Variants in TIAM2 observed in about 807,000 individuals in gnomAD.
TIAM2 encodes the protein rho guanine nucleotide exchange factor TIAM2.
In TIAM2, 80 loss-of-function variants were observed where a neutral mutation model predicts 152.9. That is an observed-to-expected ratio of 0.52 (90% CI 0.44 to 0.63). The LOEUF (loss-of-function observed/expected upper bound fraction) is 0.63. Ranked by LOEUF, TIAM2 falls within the 30% of genes least tolerant of loss-of-function variation. The pLI, the probability that TIAM2 is intolerant of heterozygous loss-of-function variation, is 0.00. For missense variants in TIAM2, 1,965 were observed against 2,120.1 expected (o/e 0.93, Z 1.44); for synonymous variants, 804 against 838.0 (o/e 0.96, Z 0.70).
chr6:155,185,474 A>G (rs1228478666), intron 14 of TIAM2, among the ~76,000 whole-genome samples: 2 of 151,326 alleles, frequency 1.3e-5, no homozygotes, highest in Admixed American at 6.6e-5. Context: ...AGGATCAAGC[A>G]GGTGAGTTAA....
intron 24 of TIAM2, chr6:155,253,375 AATT>A: frequency 3.5e-6 from 1 of 284,788 alleles, no homozygotes; most frequent in African/African-American, 2.2e-5. Context: ...TGTTTTTACA[AATT>A]TAGAATATAG....
At chr6:155,053,746 C>T (rs934335735) in intron 1 of TIAM2, among the ~76,000 whole-genome samples, 9 of 152,154 alleles carry the variant, frequency 5.9e-5, no homozygotes, top group African/African-American at 2.2e-4. Context: ...ACTGGGATTA[C>T]AGGAATGAGC....
rs141491120 is a variant in TIAM2, at chr6:155,173,199, G to GTGTGTCTGTC, written c.2362-3614_2362-3613insGTCTGTCTGT. Among the ~76,000 whole-genome samples the GTGTGTCTGTC allele has an allele frequency of 1.5e-3, 219 of 149,764 alleles. 2 individuals are homozygous for GTGTGTCTGTC. Among genetic ancestry groups the GTGTGTCTGTC allele is most frequent in the African/African-American group, 5.1e-3 (207 of 40,236 alleles). On this transcript the variant is annotated intron_variant, in intron 9 of 26. Transcript: ENST00000682666. ...TGTGTGTGTGTGTGTGTGTGTGTGT[G>GTGTGTCTGTC]TGTCTGTCTGTCTGTCTGCCTAACA... is the stretch of plus-strand genomic sequence containing the variant.
chr6:155,015,709 GAT>G, intron 1 of TIAM2, among the ~76,000 whole-genome samples: 2 of 152,108 alleles, frequency 1.3e-5, no homozygotes, highest in African/African-American at 2.4e-5. Flanking sequence ...GGCCTAAGCA[GAT>G]GGATCACTTG....
chr6:155,221,126 G>GAA (rs11309755), intron 15 of TIAM2, among the ~76,000 whole-genome samples: 266 of 109,050 alleles, frequency 2.4e-3, no homozygotes, highest in African/African-American at 9.0e-3. Context: ...TTTTTTTTTT[G>GAA]AAAAAAAAAA....
chr6:155,251,846 C>G (rs769756084), intron 22 of TIAM2, 99 bp from the exon 23 acceptor site: 4 of 908,074 alleles, frequency 4.4e-6, no homozygotes, highest in Admixed American at 2.6e-5. Flanking sequence ...GAGACTCATA[C>G]GTTTGGAGAG....
At chr6:155,142,126 G>T (rs892936862) in intron 5 of TIAM2, among the ~76,000 whole-genome samples, 1 of 152,150 alleles carries the variant, frequency 6.6e-6, no homozygotes, top group Non-Finnish European at 1.5e-5. Context: ...CAGCACCGGG[G>T]TGAATGGCAG....
At position 155,130,122 on chromosome 6, in the gene TIAM2, G is replaced by A. The variant is rs761465544; in HGVS notation, c.899G>A (p.Arg300Gln). 2.5e-5 allele frequency: 40 copies of A among 1,614,088 alleles called. 1 individual carries two copies. The East Asian group carries it at 3.1e-4, about 13-fold the overall frequency. ...FNQSSSLSSL[R>Q]ELYKDANLGS... Reference sequence around the variant, plus strand: ...CAAAGCTCTTCCCTCTCCTCCCTCCGGGAACTGTACAAAGATGCCAACCTG... The same window carrying A: ...CAAAGCTCTTCCCTCTCCTCCCTCCAGGAACTGTACAAAGATGCCAACCTG... The change falls in exon 4 of 27, where the codon CGG becomes CAG. Residue 300 changes from arginine to glutamine, a missense_variant. Physicochemically the swap from Arg to Gln is conservative, Grantham distance 43. Coordinates refer to ENST00000682666, the MANE Select transcript of TIAM2 (RefSeq NM_012454.4).
intron 23 of TIAM2, among the ~76,000 whole-genome samples, chr6:155,252,575 T>C (rs995666574): frequency 2.0e-5 from 3 of 152,222 alleles, no homozygotes; most frequent in African/African-American, 7.2e-5. Flanking sequence ...TCCATAAACA[T>C]AGTCTGTGAA....
chr6:155,140,398 C>T (rs1779664622), intron 5 of TIAM2, among the ~76,000 whole-genome samples: 1 of 152,162 alleles, frequency 6.6e-6, no homozygotes, highest in Non-Finnish European at 1.5e-5. Flanking sequence ...CACGTTACCC[C>T]ATCATTTGTC....
chr6:155,018,473 G>A (rs1014737309), intron 1 of TIAM2, among the ~76,000 whole-genome samples: 1 of 151,232 alleles, frequency 6.6e-6, no homozygotes, highest in South Asian at 2.1e-4. Context: ...TCAAAAATTA[G>A]CCAGGCATGG....
At chr6:155,144,451 G>A (rs528996726) in intron 5 of TIAM2, among the ~76,000 whole-genome samples, 155 bp from the exon 6 acceptor site, 4 of 152,198 alleles carry the variant, frequency 2.6e-5, no homozygotes, top group African/African-American at 9.7e-5. Context: ...ATACAACTAG[G>A]TGTACTTCAG....
intron 1 of TIAM2, among the ~76,000 whole-genome samples, chr6:154,998,544 G>T (rs1368852546): frequency 1.3e-5 from 2 of 152,164 alleles, no homozygotes; most frequent in Non-Finnish European, 2.9e-5. Context: ...TTAACAATTT[G>T]TGGGGTGATC....
Position 155,174,869 on chromosome 6 carries a change from TTTG to T in TIAM2, c.2362-1945_2362-1943del, listed in dbSNP as rs1780724257. On this transcript the variant is annotated intron_variant, in intron 9 of 26. Coordinates refer to ENST00000682666, the MANE Select transcript of TIAM2 (RefSeq NM_012454.4). This position sits in a 1 kb window ranked among gnomAD's most constrained non-coding sequence, Gnocchi z 4.2. The stretch of plus-strand genomic sequence containing the variant: ...CTGTGACTTCCTCCGGGCCTTGTTC[TTTG>T]TGATGTTTCTTACTCCACAGTGACC... 6.6e-6 allele frequency among the ~76,000 whole-genome samples: 1 copy of T among 152,234 alleles called. No individual in the cohort carries two copies. The highest frequency in any genetic ancestry group is 1.5e-5 in the Non-Finnish European group (1 of 68,044).
At chr6:155,053,987 A>G (rs529324244) in intron 1 of TIAM2, among the ~76,000 whole-genome samples, 1 of 152,226 alleles carries the variant, frequency 6.6e-6, no homozygotes, top group African/African-American at 2.4e-5. Flanking sequence ...AGACCAACCA[A>G]CATGGTGAAT....
At chr6:155,114,262 C>T (rs1432878576) in intron 2 of TIAM2, among the ~76,000 whole-genome samples, 9 of 151,328 alleles carry the variant, frequency 5.9e-5, no homozygotes, top group Admixed American at 5.3e-4. Flanking sequence ...ACTGTGTTGG[C>T]CAGGCTGGTC....
intron 4 of TIAM2, among the ~76,000 whole-genome samples, chr6:155,134,041 C>T (rs1779503412): frequency 6.6e-6 from 1 of 152,138 alleles, no homozygotes; most frequent in Non-Finnish European, 1.5e-5. Context: ...CTTTACTCAT[C>T]TCCACTCTGC....
intron 2 of TIAM2, among the ~76,000 whole-genome samples, chr6:155,111,045 T>A (rs2115006722): frequency 6.6e-6 from 1 of 152,058 alleles, no homozygotes; most frequent in Non-Finnish European, 1.5e-5. Flanking sequence ...AGAGACAGAG[T>A]TTGCAAGCTT....
chr6:155,201,077 A>G (rs1208778022), intron 14 of TIAM2, among the ~76,000 whole-genome samples: 1 of 152,196 alleles, frequency 6.6e-6, no homozygotes, highest in African/African-American at 2.4e-5. Context: ...GTAACCTGTC[A>G]TGTCTGGCTC....
Sources: gnomAD v4.1 joint callset for allele counts (sites outside exome capture counted in the v4.1 genomes callset) on GRCh38, gnomAD v4.1.1 for gene constraint, Gnocchi (gnomAD v3.1) non-coding constraint, MANE v1.5 for transcripts, NCBI Gene and HGNC (gene_info 2026-07-23, HGNC 2026-07-21) for gene names.